The following TSHR variants were observed in gnomAD, a reference collection of about 807,000 sequenced individuals.
TSHR encodes the protein thyroid stimulating hormone receptor.
Under a neutral mutation model 64.1 loss-of-function variants are expected in TSHR, and 51 were observed. That is an observed-to-expected ratio of 0.80 (90% CI 0.64 to 1.01). The LOEUF is 1.01. Among genes scored for constraint, TSHR ranks in the 50% least tolerant of loss-of-function variants. The pLI is 0.00. For synonymous variants in TSHR, 361 were observed against 361.9 expected, an observed-to-expected ratio of 1.00 and a Z score of 0.03; for missense variants, 877 against 942.8, an observed-to-expected ratio of 0.93 and a Z score of 0.91.
At chr14:81,033,665 G>T (rs1320971268) in intron 1 of TSHR, among the ~76,000 whole-genome samples, 1 of 133,858 alleles carries the variant, frequency 7.5e-6, no homozygotes, top group African/African-American at 2.8e-5. Context: ...TTTAAACCAA[G>T]AGCTTAGCAG....
chr14:81,128,609 C>T (rs933022444), intron 8 of TSHR, among the ~76,000 whole-genome samples: 4 of 152,136 alleles, frequency 2.6e-5, no homozygotes, highest in Non-Finnish European at 5.9e-5. Flanking sequence ...ACCCATGCCA[C>T]GTATTCTCTC....
At chr14:81,032,683 G>A (rs1884410187) in intron 1 of TSHR, 1 of 434,680 alleles carries the variant, frequency 2.3e-6, no homozygotes, top group Non-Finnish European at 4.5e-6. Flanking sequence ...TCTCCTGTTG[G>A]TGATGCATAC....
intron 1 of TSHR, among the ~76,000 whole-genome samples, chr14:80,970,716 A>G (rs1370493271): frequency 6.6e-6 from 1 of 152,226 alleles, no homozygotes; most frequent in Non-Finnish European, 1.5e-5. Flanking sequence ...ATAAATGGGA[A>G]AATGGGTTAC....
Position 81,007,766 on chromosome 14 carries a change from GT to G in TSHR, c.170+51919del, listed in dbSNP as rs543454680. ...TTAGTCCATTTCTAAGTCATCTCTA[GT>G]TTGTTCCTTATAATCAATGAGAAGT... is the stretch of plus-strand genomic sequence containing the variant. On this transcript the variant is annotated intron_variant, in intron 1 of 9. Coordinates refer to ENST00000298171, the MANE Select transcript of TSHR (RefSeq NM_000369.5). Among the ~76,000 whole-genome samples the G allele has an allele frequency of 2.5e-3, 374 of 152,294 alleles. 2 individuals carry two copies. Among genetic ancestry groups the G allele is most frequent in the African/African-American group, 8.7e-3 (361 of 41,562 alleles).
At chr14:80,983,527 T>G in intron 1 of TSHR, 2 of 1,339,010 alleles carry the variant, frequency 1.5e-6, no homozygotes, top group Non-Finnish European at 2.1e-6. Flanking sequence ...GCCATATTTA[T>G]TAACATAAAG....
chr14:80,962,301 A>G (rs537444420), intron 1 of TSHR, among the ~76,000 whole-genome samples: 3 of 152,280 alleles, frequency 2.0e-5, no homozygotes, highest in East Asian at 1.9e-4. Flanking sequence ...TAAGATTGCC[A>G]TAACAAAGTA....
chr14:81,085,996 GC>G (rs1233814020), intron 3 of TSHR, among the ~76,000 whole-genome samples: 1 of 151,518 alleles, frequency 6.6e-6, no homozygotes, highest in African/African-American at 2.4e-5. Context: ...GCATTTTAAA[GC>G]CAGGACAAAA....
At chr14:81,029,402 A>T (rs1328944851) in intron 1 of TSHR, among the ~76,000 whole-genome samples, 13 of 152,156 alleles carry the variant, frequency 8.5e-5, no homozygotes, top group Admixed American at 8.5e-4. Context: ...ATATAGCATG[A>T]TAGTGAAGGG....
intron 2 of TSHR, among the ~76,000 whole-genome samples, chr14:81,063,810 G>C (rs1392312029): frequency 6.6e-6 from 1 of 151,972 alleles, no homozygotes; most frequent in African/African-American, 2.4e-5. Context: ...TCACATAAGA[G>C]GTCTATTACC....
chr14:81,084,393 C>T (rs1232146906), intron 3 of TSHR, among the ~76,000 whole-genome samples: 1 of 151,702 alleles, frequency 6.6e-6, no homozygotes, highest in African/African-American at 2.4e-5. Flanking sequence ...GTGAAAATTC[C>T]ACATTCCTTC....
At chr14:80,956,766 T>C (rs1886717100) in intron 1 of TSHR, among the ~76,000 whole-genome samples, 1 of 152,188 alleles carries the variant, frequency 6.6e-6, no homozygotes, top group Admixed American at 6.5e-5. Context: ...CTCAAGAATT[T>C]AGCTCATGAA....
At chr14:80,967,810 C>A (rs575882794) in intron 1 of TSHR, among the ~76,000 whole-genome samples, 88 of 152,074 alleles carry the variant, frequency 5.8e-4, no homozygotes, top group Non-Finnish European at 1.2e-3. Context: ...AAAGCAGAGC[C>A]CATGTGAGAA....
At chr14:81,028,483 C>A (rs978274097) in intron 1 of TSHR, among the ~76,000 whole-genome samples, 4 of 151,936 alleles carry the variant, frequency 2.6e-5, no homozygotes, top group African/African-American at 7.2e-5. Context: ...CTCTGATAAA[C>A]CCCCTACATT....
chr14:80,967,227 TAAG>T (rs1887365490), intron 1 of TSHR, among the ~76,000 whole-genome samples: 1 of 148,724 alleles, frequency 6.7e-6, no homozygotes, highest in East Asian at 2.0e-4. Context: ...TGGAATGAGA[TAAG>T]AAGCTATTAA....
At chr14:81,025,868 A>C (rs1390442527) in intron 1 of TSHR, among the ~76,000 whole-genome samples, 1 of 152,238 alleles carries the variant, frequency 6.6e-6, no homozygotes, top group Non-Finnish European at 1.5e-5. Flanking sequence ...AAGGCTGGCA[A>C]GTATAGTGAA....
intron 1 of TSHR, among the ~76,000 whole-genome samples, chr14:80,970,598 T>A (rs1467308012): frequency 3.3e-5 from 5 of 152,206 alleles, no homozygotes; most frequent in African/African-American, 9.7e-5. Flanking sequence ...TAAGACCTGC[T>A]GGGCTGGGCT....
intron 1 of TSHR, among the ~76,000 whole-genome samples, chr14:80,966,230 G>C (rs1272398719): frequency 2.0e-5 from 3 of 152,054 alleles, no homozygotes; most frequent in Non-Finnish European, 4.4e-5. Flanking sequence ...AAACTAGAAG[G>C]CTACTTTTAG....
intron 7 of TSHR, chr14:81,105,075 G>A (rs886695810): frequency 7.5e-5 from 74 of 985,110 alleles, no homozygotes; most frequent in Non-Finnish European, 8.6e-5. Context: ...TCCTTGCAAG[G>A]GATAGTTTTT....
At chr14:81,092,461 G>A in intron 5 of TSHR, 70 bp from the exon 6 acceptor site, 1 of 1,345,064 alleles carries the variant, frequency 7.4e-7, no homozygotes, top group South Asian at 1.2e-5. Context: ...AAGTGCATAT[G>A]CGCAGCAAGA....
Sources: allele counts gnomAD v4.1 joint callset (sites outside exome capture counted in the v4.1 genomes callset), GRCh38; gene constraint gnomAD v4.1.1; transcripts MANE v1.5; gene names NCBI Gene and HGNC (gene_info 2026-07-23, HGNC 2026-07-21).